The following ATF7IP variants were observed in gnomAD, a reference collection of about 807,000 sequenced individuals.
ATF7IP encodes the protein activating transcription factor 7-interacting protein 1.
Under a neutral mutation model 106.4 loss-of-function variants are expected in ATF7IP, and 23 were observed. That is an observed-to-expected ratio of 0.22 (90% confidence interval 0.16 to 0.31). ATF7IP has a LOEUF of 0.31. Among genes scored for constraint, ATF7IP ranks in the 10% least tolerant of loss-of-function variants. ATF7IP has a pLI of 1.00. For missense variants in ATF7IP, 1,334 were observed against 1,524.3 expected, an observed-to-expected ratio of 0.88 and a Z score of 2.08; for synonymous variants, 542 against 539.0, an observed-to-expected ratio of 1.01 and a Z score of -0.08.
At chr12:14,495,814 C>A (rs991866496) in intron 13 of ATF7IP, among the ~76,000 whole-genome samples, 2 of 152,122 alleles carry the variant, frequency 1.3e-5, no homozygotes, top group Admixed American at 6.6e-5. Context: ...TCACACTGCT[C>A]CATTATGGCC....
intron 5 of ATF7IP, among the ~76,000 whole-genome samples, 183 bp downstream of exon 5, chr12:14,438,450 A>G (rs1030420393): frequency 1.3e-5 from 2 of 152,182 alleles, no homozygotes; most frequent in African/African-American, 2.4e-5. Flanking sequence ...TGGTTTAAAC[A>G]GTAGAAATAT....
At chr12:14,423,129 C>CT (rs1218805846) in intron 1 of ATF7IP, among the ~76,000 whole-genome samples, 43 of 152,050 alleles carry the variant, frequency 2.8e-4, no homozygotes. Flanking sequence ...TTGCGTTTCC[C>CT]TGATGTCTCA....
At chr12:14,431,933 G>A (rs1039179332) in intron 2 of ATF7IP, among the ~76,000 whole-genome samples, 2 of 152,206 alleles carry the variant, frequency 1.3e-5, no homozygotes, top group African/African-American at 2.4e-5. Flanking sequence ...AGTTCTTTCC[G>A]TTACAAAAAA....
At chr12:14,371,595 A>G (rs1427050351) in intron 1 of ATF7IP, among the ~76,000 whole-genome samples, 2 of 152,098 alleles carry the variant, frequency 1.3e-5, no homozygotes, top group Non-Finnish European at 2.9e-5. Flanking sequence ...CATGATAGTA[A>G]AGGAGGGTTA....
At chr12:14,378,200 C>T (rs977035719) in intron 1 of ATF7IP, among the ~76,000 whole-genome samples, 2 of 150,376 alleles carry the variant, frequency 1.3e-5, no homozygotes, top group African/African-American at 4.9e-5. Flanking sequence ...AGGGTTCAAG[C>T]GATTCTCCTG....
intron 1 of ATF7IP, among the ~76,000 whole-genome samples, chr12:14,417,461 GA>G (rs1462308990): frequency 1.3e-5 from 2 of 151,876 alleles, no homozygotes; most frequent in Admixed American, 6.6e-5. Flanking sequence ...TGGGTATGAA[GA>G]TTTTTTTTTT....
At chr12:14,437,576 T>G (rs940032507) in intron 4 of ATF7IP, among the ~76,000 whole-genome samples, 2 of 152,238 alleles carry the variant, frequency 1.3e-5, no homozygotes, top group African/African-American at 2.4e-5. Flanking sequence ...GGACCCATAA[T>G]GAGAATATGG....
chr12:14,484,432 C>A (rs1944524693), intron 13 of ATF7IP, among the ~76,000 whole-genome samples: 1 of 152,174 alleles, frequency 6.6e-6, no homozygotes, highest in South Asian at 2.1e-4. Context: ...GTTTTTGTTA[C>A]AACCCATAAA....
At chr12:14,441,400 A>G (rs1942688892) in intron 5 of ATF7IP, among the ~76,000 whole-genome samples, 1 of 152,022 alleles carries the variant, frequency 6.6e-6, no homozygotes, top group African/African-American at 2.4e-5. Context: ...AATGTCTATT[A>G]AAGTCCTTTG....
At chr12:14,435,889 T>C (rs1281550985) in intron 3 of ATF7IP, among the ~76,000 whole-genome samples, 2 of 152,236 alleles carry the variant, frequency 1.3e-5, no homozygotes, top group Non-Finnish European at 2.9e-5. Context: ...CAGTGTGCAT[T>C]GCTTGACCAT....
At chr12:14,449,060 T>C (rs1943095300) in intron 6 of ATF7IP, among the ~76,000 whole-genome samples, 1 of 138,834 alleles carries the variant, frequency 7.2e-6, no homozygotes, top group South Asian at 2.3e-4. Flanking sequence ...TATTGACTCT[T>C]ATATAAATTA....
At chr12:14,416,835 A>G (rs1275741762) in intron 1 of ATF7IP, 2 of 857,314 alleles carry the variant, frequency 2.3e-6, no homozygotes, top group African/African-American at 1.8e-5. Context: ...AGCCAATCAG[A>G]CAGTGAATTT....
intron 1 of ATF7IP, among the ~76,000 whole-genome samples, chr12:14,411,598 G>C (rs997386054): frequency 1.3e-5 from 2 of 151,484 alleles, no homozygotes; most frequent in Non-Finnish European, 2.9e-5. Context: ...TGCCTGTTAA[G>C]TCCTTTGCTC....
intron 9 of ATF7IP, 115 bp from the exon 10 acceptor site, chr12:14,466,411 G>A: frequency 2.6e-6 from 2 of 776,758 alleles, no homozygotes; most frequent in South Asian, 3.1e-5. Context: ...ATTTATGTAT[G>A]TGACATGTTG....
At chr12:14,430,429 T>C (rs1942059590) in intron 2 of ATF7IP, among the ~76,000 whole-genome samples, 1 of 152,204 alleles carries the variant, frequency 6.6e-6, no homozygotes, top group Non-Finnish European at 1.5e-5. Flanking sequence ...CTTTCCCCGC[T>C]AGGTTTTGCT....
chr12:14,422,391 G>A (rs892779793), intron 1 of ATF7IP, among the ~76,000 whole-genome samples: 3 of 150,696 alleles, frequency 2.0e-5, no homozygotes, highest in African/African-American at 7.3e-5. Context: ...TTTTTGTAGT[G>A]GCATTACTGA....
intron 9 of ATF7IP, among the ~76,000 whole-genome samples, chr12:14,463,399 A>C (rs1943712816): frequency 6.6e-6 from 1 of 152,202 alleles, no homozygotes; most frequent in South Asian, 2.1e-4. Flanking sequence ...TCATTCACAA[A>C]GTAATGAATG....
intron 13 of ATF7IP, among the ~76,000 whole-genome samples, chr12:14,495,427 ACT>A (rs1280030507): frequency 4.6e-5 from 7 of 152,190 alleles, no homozygotes; most frequent in African/African-American, 1.4e-4. Context: ...CTTGGCTTCA[ACT>A]CTCTCAAGTT....
At chr12:14,426,136 T>C (rs1387812728) in intron 2 of ATF7IP, among the ~76,000 whole-genome samples, 2 of 152,194 alleles carry the variant, frequency 1.3e-5, no homozygotes, top group Admixed American at 6.5e-5. Flanking sequence ...TTTAGGTTGA[T>C]TTCAAACTCC....
Sources: allele counts gnomAD v4.1 joint callset (sites outside exome capture counted in the v4.1 genomes callset), GRCh38; gene constraint gnomAD v4.1.1; transcripts MANE v1.5; gene names NCBI Gene and HGNC (gene_info 2026-07-23, HGNC 2026-07-21).